The following CD3G variants were observed in gnomAD, a reference collection of about 807,000 sequenced individuals.
CD3G encodes the protein CD3 gamma subunit of T-cell receptor complex, also known as T-cell surface glycoprotein CD3 gamma chain.
CD3G carries 24 observed loss-of-function variants against 28.3 expected under a neutral mutation model. The ratio of observed to expected loss-of-function variants is 0.85; its 90% CI spans 0.61 to 1.19. The LOEUF (loss-of-function observed/expected upper bound fraction) is 1.19, where lower values mean the gene tolerates loss of function less well. Among genes scored for constraint, CD3G ranks in the 50% most tolerant of loss-of-function variants. The probability of loss-of-function intolerance (pLI) is 0.00; values close to 1 mark genes in which losing one functional copy is unlikely to be tolerated. For synonymous variants in CD3G, 71 were observed against 75.9 expected, an observed-to-expected ratio of 0.93 and a Z score of 0.34; for missense variants, 211 against 210.0, an observed-to-expected ratio of 1.00 and a Z score of -0.03.
At chr11:118,346,448 CAAA>C (rs374730992) in intron 1 of CD3G, among the ~76,000 whole-genome samples, 4 of 142,786 alleles carry the variant, frequency 2.8e-5, no homozygotes, top group Non-Finnish European at 1.5e-5. Context: ...AAAAACAAAA[CAAA>C]AAAAAAAGAA....
chr11:118,346,243 G>C (rs1252236715), intron 1 of CD3G, among the ~76,000 whole-genome samples: 2 of 152,090 alleles, frequency 1.3e-5, no homozygotes, highest in African/African-American at 4.8e-5. Context: ...AGACCATCCT[G>C]GTCAACATGG....
intron 3 of CD3G, 117 bp from the exon 4 acceptor site, chr11:118,350,435 C>T: frequency 1.2e-6 from 1 of 804,998 alleles, no homozygotes; most frequent in Non-Finnish European, 2.2e-6. Flanking sequence ...GCCCTGCCAC[C>T]CACAGAGGAA....
At chr11:118,347,978 A>G (rs1048816979) in intron 1 of CD3G, among the ~76,000 whole-genome samples, 1 of 152,160 alleles carries the variant, frequency 6.6e-6, no homozygotes, top group Non-Finnish European at 1.5e-5. Context: ...TCCCTGGGAC[A>G]TCCAGGGTTT....
intron 5 of CD3G, among the ~76,000 whole-genome samples, chr11:118,351,959 T>A (rs975372340): frequency 2.6e-5 from 4 of 152,094 alleles, no homozygotes; most frequent in African/African-American, 9.7e-5. Flanking sequence ...ATGCCTGTAA[T>A]CCCAGCACTT....
intron 1 of CD3G, 85 bp downstream of exon 1, chr11:118,344,563 C>G: frequency 8.4e-7 from 1 of 1,185,152 alleles, no homozygotes; most frequent in South Asian, 1.3e-5. Context: ...ATTGGTATCC[C>G]TAACCTTCAG....
At chr11:118,349,589 C>T in intron 2 of CD3G, 154 bp from the exon 3 acceptor site, 2 of 726,352 alleles carry the variant, frequency 2.8e-6, no homozygotes, top group Middle Eastern at 2.4e-4. Context: ...CCCAGAACTA[C>T]TAAATAGCAC....
At chr11:118,350,902 A>C in intron 4 of CD3G, 1 of 1,137,984 alleles carries the variant, frequency 8.8e-7, no homozygotes, top group African/African-American at 1.6e-5. Flanking sequence ...AAAAAAAAAA[A>C]ACAAAAACAG....
chr11:118,344,433 G>C lies in CD3G; in HGVS notation c.10G>C (p.Gly4Arg), dbSNP rs370352015. Residue 4 changes from glycine (G) to arginine (R), a missense_variant, in exon 1 of 7, where the codon GGG (glycine) becomes CGG (arginine). Transcript: ENST00000532917. The part of the protein sequence containing the change: MEQ[G>R]KGLAVLILAI... ...GAGGACAGAGACTGACATGGAACAG[G>C]GGAAGGGCCTGGCTGTCCTCATCCT... 6.4e-7 allele frequency: 1 copy of C among 1,571,356 alleles called. No individual in the cohort carries two copies. Among genetic ancestry groups the C allele is most frequent in the African/African-American group, 1.3e-5 (1 of 74,254 alleles).
intron 1 of CD3G, among the ~76,000 whole-genome samples, chr11:118,347,718 A>C (rs1438091713): frequency 1.3e-5 from 2 of 152,142 alleles, no homozygotes; most frequent in East Asian, 3.9e-4. Flanking sequence ...TCCACCTCCC[A>C]GGCTCAACCA....
chr11:118,352,536 C>T (rs1565523070), intron 6 of CD3G, 49 bp downstream of exon 6: 18 of 1,232,324 alleles, frequency 1.5e-5, no homozygotes, highest in Non-Finnish European at 2.1e-5. Flanking sequence ...CATCAACTGC[C>T]CTCGCAATTG....
chr11:118,351,714 G>T, intron 5 of CD3G, 43 bp downstream of exon 5: 2 of 1,590,246 alleles, frequency 1.3e-6, no homozygotes, highest in Non-Finnish European at 1.7e-6. Context: ...GTAATTAGTG[G>T]GGGTAAATCT....
At chr11:118,349,252 G>C in intron 2 of CD3G, 1 of 1,494,650 alleles carries the variant, frequency 6.7e-7, no homozygotes, top group South Asian at 1.3e-5. Flanking sequence ...GCATTTAACT[G>C]GTCTCTTACA....
At chr11:118,351,439 A>G (rs999632491) in intron 4 of CD3G, among the ~76,000 whole-genome samples, 189 bp from the exon 5 acceptor site, 1 of 152,170 alleles carries the variant, frequency 6.6e-6, no homozygotes, top group African/African-American at 2.4e-5. Context: ...TTTGTCCTTT[A>G]TGTAAATGGA....
chr11:118,352,067 T>A (rs879766388), intron 5 of CD3G, among the ~76,000 whole-genome samples: 1 of 151,676 alleles, frequency 6.6e-6, no homozygotes, highest in Non-Finnish European at 1.5e-5. Context: ...ACAAAAAAAA[T>A]TAACCAGGCG....
In CD3G at chr11:118,344,473, T is replaced by C; in HGVS notation, c.50T>C (p.Leu17Pro). The C allele has an allele frequency of 6.4e-7, 1 of 1,566,602 alleles. No individual in the cohort carries two copies. The highest frequency in any genetic ancestry group is 8.7e-7 in the Non-Finnish European group (1 of 1,154,796). The change falls in exon 1 of 7, where the codon CTT (leucine) becomes CCT (proline). Residue 17 changes from leucine (L) to proline (P), a missense_variant. Coordinates refer to ENST00000532917, the MANE Select transcript of CD3G (RefSeq NM_000073.3). ...LAVLILAIIL[L>P]QGTLAQSIKG... ...GTCCTCATCCTGGCTATCATTCTTCTTCAAGGTAAGGGCCTACTAGGGGTC... is the reference window on the plus strand; with the variant it reads ...GTCCTCATCCTGGCTATCATTCTTCCTCAAGGTAAGGGCCTACTAGGGGTC...
At chr11:118,345,968 C>T (rs567011999) in intron 1 of CD3G, among the ~76,000 whole-genome samples, 118 of 152,282 alleles carry the variant, frequency 7.7e-4, no homozygotes, top group African/African-American at 2.7e-3. Flanking sequence ...GTAAAGACAA[C>T]ACAGGTTGAG....
intron 2 of CD3G, chr11:118,349,286 A>T: frequency 7.0e-7 from 1 of 1,434,434 alleles, no homozygotes. Context: ...CCTAGTAGCT[A>T]GGGACACATC....
rs1034572826 is a variant in CD3G at position 118,354,950 on chromosome 11, T to C, written c.*1850T>C. 2 of 152,196 alleles carry C rather than the reference T, an allele frequency of 1.3e-5. No homozygotes were observed. The highest frequency in any genetic ancestry group is 4.1e-4 in the South Asian group (2 of 4,832). The allele number at this position is 152,196 out of a possible 1,614,324, so 9.4% of individuals were successfully genotyped here. On this transcript the variant is annotated 3_prime_UTR_variant, in exon 7 of 7. Transcript: ENST00000532917. ...TTTTGAAGTGCAAAAGGTTTGAATTTTGAAGTACATTTTATTGATTTTTTC... is the reference window on the plus strand; with the variant it reads ...TTTTGAAGTGCAAAAGGTTTGAATTCTGAAGTACATTTTATTGATTTTTTC...
chr11:118,350,405 T>G, intron 3 of CD3G, 147 bp from the exon 4 acceptor site: 1 of 735,128 alleles, frequency 1.4e-6, no homozygotes, highest in Non-Finnish European at 2.5e-6. Flanking sequence ...CATTGAGTTT[T>G]GGCGCAAGGA....
Sources: gnomAD v4.1 joint callset for allele counts (sites outside exome capture counted in the v4.1 genomes callset) on GRCh38, gnomAD v4.1.1 for gene constraint, MANE v1.5 for transcripts, NCBI Gene and HGNC (gene_info 2026-07-23, HGNC 2026-07-21) for gene names.